Variants in B3GALT1 observed in about 807,000 individuals in gnomAD.
B3GALT1 encodes UDP-Gal:betaGlcNAc beta 1,3-galactosyltransferase, polypeptide 1.
B3GALT1 carries 10 observed loss-of-function variants against 23.2 expected under a neutral mutation model. The observed-to-expected ratio is 0.43, with a 90% CI of 0.27 to 0.73. The LOEUF (loss-of-function observed/expected upper bound fraction) is 0.73. Ranked by LOEUF, B3GALT1 falls within the 30% of genes least tolerant of loss-of-function variation. The pLI is 0.21. For missense variants in B3GALT1, 299 were observed against 405.4 expected, an observed-to-expected ratio of 0.74 and a Z score of 2.25; for synonymous variants, 156 against 141.5, an observed-to-expected ratio of 1.10 and a Z score of -0.73.
intron 3 of B3GALT1, among the ~76,000 whole-genome samples, chr2:167,720,529 G>A (rs982191158): frequency 6.6e-6 from 1 of 152,098 alleles, no homozygotes; most frequent in African/African-American, 2.4e-5. Flanking sequence ...CCATGAAGAG[G>A]ATCTCATTTG....
chr2:167,364,416 T>C (rs1222954457), intron 1 of B3GALT1, among the ~76,000 whole-genome samples: 1 of 152,064 alleles, frequency 6.6e-6, no homozygotes, highest in African/African-American at 2.4e-5. Flanking sequence ...TACATATGTA[T>C]ACATGTGCCA....
intron 1 of B3GALT1, among the ~76,000 whole-genome samples, chr2:167,433,061 A>G (rs1698728649): frequency 6.6e-6 from 1 of 152,208 alleles, no homozygotes; most frequent in African/African-American, 2.4e-5. Flanking sequence ...ACTGCCCTCA[A>G]AATACCTCTG....
At chr2:167,439,045 T>C (rs781256690) in intron 1 of B3GALT1, among the ~76,000 whole-genome samples, 4 of 152,242 alleles carry the variant, frequency 2.6e-5, no homozygotes, top group South Asian at 2.1e-4. Context: ...AGAATAAATA[T>C]TCAAAGGCAA....
At chr2:167,556,738 C>T (rs1574134983) in intron 2 of B3GALT1, among the ~76,000 whole-genome samples, 1 of 152,130 alleles carries the variant, frequency 6.6e-6, no homozygotes, top group Admixed American at 6.5e-5. Context: ...GGAAAATGTT[C>T]GTTCACTGCA....
chr2:167,651,271 T>C (rs973329251), intron 3 of B3GALT1, among the ~76,000 whole-genome samples: 1,294 of 18,432 alleles, frequency 0.07, 23 homozygotes, highest in African/African-American at 0.1. Context: ...TGTGTGTGTG[T>C]GCGCGCACGT....
intron 3 of B3GALT1, among the ~76,000 whole-genome samples, chr2:167,701,201 A>C (rs1405954591): frequency 3.3e-5 from 5 of 152,186 alleles, no homozygotes; most frequent in Non-Finnish European, 7.3e-5. Context: ...ACAGAAATGC[A>C]GAAGTGTCTG....
intron 1 of B3GALT1, among the ~76,000 whole-genome samples, chr2:167,444,132 G>T (rs1245206876): frequency 6.6e-6 from 1 of 152,114 alleles, no homozygotes; most frequent in Non-Finnish European, 1.5e-5. Context: ...TAATCATGTG[G>T]TTTTGTCTTT....
chr2:167,756,075 C>T (rs1041656722), intron 3 of B3GALT1, among the ~76,000 whole-genome samples: 16 of 152,088 alleles, frequency 1.1e-4, no homozygotes, highest in Admixed American at 9.8e-4. Flanking sequence ...ACTACATGAA[C>T]ATAAAAGGGA....
intron 1 of B3GALT1, among the ~76,000 whole-genome samples, chr2:167,433,519 G>A (rs73023865): frequency 0.011 from 1,644 of 152,264 alleles, 35 homozygotes; most frequent in African/African-American, 0.035. Flanking sequence ...AGGTTAAAAA[G>A]GAGGGATTAT....
intron 1 of B3GALT1, among the ~76,000 whole-genome samples, chr2:167,481,998 A>G (rs1271113321): frequency 6.6e-6 from 1 of 152,136 alleles, no homozygotes; most frequent in African/African-American, 2.4e-5. Flanking sequence ...TTTTTTAGAA[A>G]ACAATTAAAA....
At chr2:167,574,721 G>A (rs1684353317) in intron 2 of B3GALT1, among the ~76,000 whole-genome samples, 1 of 151,592 alleles carries the variant, frequency 6.6e-6, no homozygotes, top group South Asian at 2.1e-4. Context: ...ATAAATTTAG[G>A]AAGTGTATAG....
At chr2:167,375,241 G>A (rs772760173) in intron 1 of B3GALT1, among the ~76,000 whole-genome samples, 1 of 152,108 alleles carries the variant, frequency 6.6e-6, no homozygotes, top group South Asian at 2.1e-4. Flanking sequence ...GGTTACTGTC[G>A]ACTTATAGTA....
At chr2:167,503,946 C>A (rs909382455) in intron 2 of B3GALT1, among the ~76,000 whole-genome samples, 1 of 152,062 alleles carries the variant, frequency 6.6e-6, no homozygotes, top group African/African-American at 2.4e-5. Context: ...GCTTCAAATT[C>A]CTTTCTAGCT....
At chr2:167,759,230 A>G (rs1687864241) in intron 3 of B3GALT1, among the ~76,000 whole-genome samples, 1 of 152,200 alleles carries the variant, frequency 6.6e-6, no homozygotes, top group Admixed American at 6.5e-5. Context: ...ACTGTGGCTA[A>G]GAGTGTGGGC....
intron 3 of B3GALT1, among the ~76,000 whole-genome samples, chr2:167,798,745 A>T (rs1461188124): frequency 6.6e-6 from 1 of 152,228 alleles, no homozygotes; most frequent in African/African-American, 2.4e-5. Context: ...CTTTTTGCTT[A>T]GAATTGTCTT....
intron 1 of B3GALT1, among the ~76,000 whole-genome samples, chr2:167,437,329 A>G (rs967578104): frequency 1.3e-5 from 2 of 152,194 alleles, no homozygotes; most frequent in South Asian, 4.1e-4. Flanking sequence ...ACAAAGGTAT[A>G]TGCACACTAA....
At chr2:167,443,774 C>T (rs191869897) in intron 1 of B3GALT1, among the ~76,000 whole-genome samples, 11 of 152,136 alleles carry the variant, frequency 7.2e-5, no homozygotes, top group East Asian at 1.9e-4. Flanking sequence ...TGGGCTGAGA[C>T]GATGGGGTTT....
intron 2 of B3GALT1, among the ~76,000 whole-genome samples, chr2:167,562,020 C>T (rs1328149333): frequency 6.6e-6 from 1 of 152,188 alleles, no homozygotes; most frequent in African/African-American, 2.4e-5. Flanking sequence ...GAATTTTAGA[C>T]CAATATCCTT....
In B3GALT1 at chr2:167,781,661, T is replaced by C. The variant is rs781115816; in HGVS notation, c.-351-37011T>C. Among the ~76,000 whole-genome samples the C allele has an allele frequency of 9.2e-5, 14 of 152,208 alleles. 1 individual carries two copies. The highest frequency in any genetic ancestry group is 1.6e-4 in the Non-Finnish European group (11 of 68,038). On this transcript the variant is annotated intron_variant, in intron 3 of 4. Coordinates refer to ENST00000392690, the MANE Select transcript of B3GALT1 (RefSeq NM_020981.4). ...CCCCCTTTCCCTCTCAGGCAGGGAA[T>C]GGACCATGGTCAGTGTCTTCCAGCC...
Sources: gnomAD v4.1 joint callset for allele counts (sites outside exome capture counted in the v4.1 genomes callset) on GRCh38, gnomAD v4.1.1 for gene constraint, MANE v1.5 for transcripts, NCBI Gene and HGNC (gene_info 2026-07-23, HGNC 2026-07-21) for gene names.